The following CACNA2D3 variants were observed in gnomAD, a reference collection of about 807,000 sequenced individuals.
CACNA2D3 encodes the protein calcium voltage-gated channel auxiliary subunit alpha2delta 3.
In CACNA2D3, 60 loss-of-function variants were observed where a neutral mutation model predicts 160.6. The observed-to-expected ratio is 0.37, with a 90% CI of 0.30 to 0.46. The LOEUF (loss-of-function observed/expected upper bound fraction) is 0.46. Ranked by LOEUF, CACNA2D3 falls within the 20% of genes least tolerant of loss-of-function variation. The pLI, the probability that CACNA2D3 is intolerant of heterozygous loss-of-function variation, is 1.00. For missense variants in CACNA2D3, 1,205 were observed against 1,365.0 expected (o/e 0.88, Z 1.85); for synonymous variants, 558 against 492.9 (o/e 1.13, Z -1.75).
intron 11 of CACNA2D3, among the ~76,000 whole-genome samples, chr3:54,747,867 A>C (rs565793374): frequency 6.6e-6 from 1 of 152,276 alleles, no homozygotes; most frequent in South Asian, 2.1e-4. Flanking sequence ...CTTTTCTAAA[A>C]ATGCAGCCCC....
chr3:54,145,699 G>T (rs905357905), intron 2 of CACNA2D3, among the ~76,000 whole-genome samples: 1 of 152,204 alleles, frequency 6.6e-6, no homozygotes, highest in Admixed American at 6.5e-5. Flanking sequence ...GCAGCATCCA[G>T]AGACTGCATG....
chr3:54,273,366 GTGTC>G (rs1440515176), intron 2 of CACNA2D3, among the ~76,000 whole-genome samples: 10 of 152,150 alleles, frequency 6.6e-5, no homozygotes, highest in African/African-American at 2.2e-4. Context: ...CTCTTTGTCT[GTGTC>G]TGTCTGTCTG....
At chr3:54,390,934 T>C (rs1334773361) in intron 4 of CACNA2D3, among the ~76,000 whole-genome samples, 1 of 151,878 alleles carries the variant, frequency 6.6e-6, no homozygotes, top group African/African-American at 2.4e-5. Flanking sequence ...CACTGTGAAA[T>C]AACGCTGAGA....
chr3:54,766,047 C>T (rs759562417), intron 13 of CACNA2D3, among the ~76,000 whole-genome samples: 7 of 152,018 alleles, frequency 4.6e-5, no homozygotes, highest in Non-Finnish European at 1.0e-4. Context: ...CCTCTGTGAC[C>T]TGGATTCTGG....
chr3:54,854,724 G>T (rs1232581134), intron 17 of CACNA2D3, among the ~76,000 whole-genome samples: 2 of 152,110 alleles, frequency 1.3e-5, no homozygotes, highest in Non-Finnish European at 2.9e-5. Flanking sequence ...GGTTGACTGT[G>T]TGTGAAGATT....
At chr3:54,588,378 G>T (rs1482885066) in intron 9 of CACNA2D3, among the ~76,000 whole-genome samples, 1 of 152,204 alleles carries the variant, frequency 6.6e-6, no homozygotes, top group Non-Finnish European at 1.5e-5. Flanking sequence ...AACAGGGAAA[G>T]TTTGAAAGCT....
At chr3:54,670,930 A>G (rs1352103290) in intron 11 of CACNA2D3, among the ~76,000 whole-genome samples, 2 of 152,130 alleles carry the variant, frequency 1.3e-5, no homozygotes, top group African/African-American at 2.4e-5. Context: ...TCCTTCACCC[A>G]TGTGACGGCA....
At chr3:54,404,291 T>A (rs1699530381) in intron 4 of CACNA2D3, among the ~76,000 whole-genome samples, 1 of 152,176 alleles carries the variant, frequency 6.6e-6, no homozygotes, top group South Asian at 2.1e-4. Context: ...AAGAAGATTA[T>A]ACATCATGAT....
intron 3 of CACNA2D3, among the ~76,000 whole-genome samples, chr3:54,361,826 C>T (rs1698748074): frequency 6.6e-6 from 1 of 152,126 alleles, no homozygotes; most frequent in Admixed American, 6.5e-5. Flanking sequence ...GAGATGCAAG[C>T]TAGTTTTTGA....
chr3:54,756,202 C>T (rs1701966490), intron 12 of CACNA2D3, among the ~76,000 whole-genome samples: 2 of 152,070 alleles, frequency 1.3e-5, no homozygotes, highest in South Asian at 4.2e-4. Context: ...TGTCTACATC[C>T]AGTTATTTCC....
In CACNA2D3 at chr3:54,223,308, C is replaced by T. The variant is rs758222427; in HGVS notation, c.205-97134C>T. Among the ~76,000 whole-genome samples, 5 of 152,230 alleles carry T rather than the reference C, an allele frequency of 3.3e-5. No individual in the cohort carries two copies. The East Asian group carries it at 5.8e-4, about 18-fold the overall frequency. ...TCCTAGGTGACAAACCTGTATAGCA[C>T]GTTACTGTATTGAATATTGTAGGCA... is the stretch of plus-strand genomic sequence containing the variant. On this transcript the variant is annotated intron_variant, in intron 2 of 37. Transcript: ENST00000474759.
intron 2 of CACNA2D3, among the ~76,000 whole-genome samples, chr3:54,315,772 G>A (rs1703845908): frequency 6.6e-6 from 1 of 151,986 alleles, no homozygotes; most frequent in Admixed American, 6.5e-5. Flanking sequence ...GCACCATCCT[G>A]GGCCTGTGAT....
intron 14 of CACNA2D3, among the ~76,000 whole-genome samples, chr3:54,824,611 G>T (rs1301508786): frequency 1.3e-5 from 2 of 152,144 alleles, no homozygotes; most frequent in Non-Finnish European, 2.9e-5. Context: ...GGCCCCACCT[G>T]CCAGTTCTCA....
intron 2 of CACNA2D3, among the ~76,000 whole-genome samples, chr3:54,188,499 C>A (rs940600474): frequency 2.6e-5 from 4 of 152,188 alleles, no homozygotes; most frequent in African/African-American, 9.6e-5. Flanking sequence ...CATGCTTGAC[C>A]AGCCTAGGCT....
chr3:54,150,586 A>T (rs1014712357), intron 2 of CACNA2D3, among the ~76,000 whole-genome samples: 1 of 152,222 alleles, frequency 6.6e-6, no homozygotes, highest in Non-Finnish European at 1.5e-5. Flanking sequence ...GACATGGTAA[A>T]TCCTCAATAA....
chr3:54,611,140 G>C lies in CACNA2D3; in HGVS notation c.964-16647G>C, dbSNP rs149614515. ...GTGCAGAAATAACCTTTGAGAGTTTGTGTCAAAGTCACAACTCCACCTGAG... is the reference window on the plus strand; with the variant it reads ...GTGCAGAAATAACCTTTGAGAGTTTCTGTCAAAGTCACAACTCCACCTGAG... On this transcript the variant is annotated intron_variant, in intron 9 of 37. Coordinates refer to ENST00000474759, the MANE Select transcript of CACNA2D3 (RefSeq NM_018398.3). Among the ~76,000 whole-genome samples, 388 of 152,310 alleles carry C rather than the reference G, an allele frequency of 2.5e-3. 2 individuals carry two copies. The highest frequency in any genetic ancestry group is 8.9e-3 in the African/African-American group (368 of 41,572).
intron 11 of CACNA2D3, among the ~76,000 whole-genome samples, chr3:54,699,850 G>C (rs1700734260): frequency 6.6e-6 from 1 of 152,092 alleles, no homozygotes; most frequent in Non-Finnish European, 1.5e-5. Context: ...ATCCCTTTGG[G>C]CCTCACCACA....
chr3:54,557,438 G>T (rs910749917), intron 5 of CACNA2D3, among the ~76,000 whole-genome samples: 3 of 152,136 alleles, frequency 2.0e-5, no homozygotes, highest in Non-Finnish European at 4.4e-5. Context: ...GGACACCAAA[G>T]AAACCACACT....
At chr3:54,486,271 C>T (rs1056444444) in intron 4 of CACNA2D3, among the ~76,000 whole-genome samples, 4 of 152,120 alleles carry the variant, frequency 2.6e-5, no homozygotes, top group African/African-American at 9.7e-5. Context: ...CTTTGAATTC[C>T]ATCAAGCACT....
Sources: gnomAD v4.1 joint callset for allele counts (sites outside exome capture counted in the v4.1 genomes callset) on GRCh38, gnomAD v4.1.1 for gene constraint, MANE v1.5 for transcripts, NCBI Gene and HGNC (gene_info 2026-07-23, HGNC 2026-07-21) for gene names.